The following SLC6A5 variants were observed in gnomAD, a reference collection of about 807,000 sequenced individuals.
The protein encoded by SLC6A5 is sodium- and chloride-dependent glycine transporter 2.
Under a neutral mutation model 90.5 loss-of-function variants are expected in SLC6A5, and 58 were observed. The ratio of observed to expected loss-of-function variants is 0.64; its 90% CI spans 0.52 to 0.80. The LOEUF is 0.80. Among genes scored for constraint, SLC6A5 ranks in the 30% least tolerant of loss-of-function variants. The probability of loss-of-function intolerance (pLI) is 0.00; values close to 1 mark genes in which losing one functional copy is unlikely to be tolerated. For synonymous variants in SLC6A5, 427 were observed against 401.4 expected (o/e 1.06, Z -0.76); for missense variants, 1,015 against 1,017.6 (o/e 1.00, Z 0.03).
At chr11:20,638,099 T>G (rs926776436) in intron 12 of SLC6A5, among the ~76,000 whole-genome samples, 1 of 152,226 alleles carries the variant, frequency 6.6e-6, no homozygotes, top group Non-Finnish European at 1.5e-5. Flanking sequence ...CGAATGCAGA[T>G]ACATAGGTGG....
chr11:20,607,066 T>C lies in SLC6A5; in HGVS notation c.739T>C (p.Leu247=), dbSNP rs892848321. 1.1e-5 allele frequency: 18 copies of C among 1,614,112 alleles called. No individual in the cohort carries two copies. Among genetic ancestry groups the C allele is most frequent in the Non-Finnish European group, 1.4e-5 (17 of 1,180,026 alleles). ...TCTGGCTGGATTACCCATCTTCTTC[T>C]TGGAGGTGTCGCTGGGCCAGTTTGC... ...LALAGLPIFF[L]EVSLGQFASQ... Residue 247 remains leucine, a synonymous_variant, in exon 4 of 16, where the codon TTG becomes CTG. Transcript: ENST00000525748.
In SLC6A5 at chr11:20,655,158, C is replaced by T; in HGVS notation, c.*290C>T. 2.3e-6 allele frequency: 1 copy of T among 426,500 alleles called. No individual in the cohort carries two copies. Among genetic ancestry groups the T allele is most frequent in the Non-Finnish European group, 4.4e-6 (1 of 226,282 alleles). 26.4% of individuals were successfully genotyped at this position (426,500 alleles called of 1,614,324 possible). ...TGCAGAGGAGGATCAGTTAGGTGAG[C>T]ACTGGTAGGTATGCGTGGTTTTGTC... On this transcript the variant is annotated 3_prime_UTR_variant, in exon 16 of 16. Transcript: ENST00000525748.
At chr11:20,627,627 A>T (rs1022282458) in intron 8 of SLC6A5, among the ~76,000 whole-genome samples, 2 of 152,282 alleles carry the variant, frequency 1.3e-5, no homozygotes, top group East Asian at 1.9e-4. Flanking sequence ...TTGATTTTGC[A>T]TCCGTTGTTA....
intron 2 of SLC6A5, among the ~76,000 whole-genome samples, chr11:20,603,243 G>T (rs1852512632): frequency 6.9e-6 from 1 of 145,550 alleles, no homozygotes. Context: ...ACTGTGTGTT[G>T]GCCTGAGTGC....
At chr11:20,608,944 C>CTG (rs1410710502) in intron 5 of SLC6A5, among the ~76,000 whole-genome samples, 5 of 118,724 alleles carry the variant, frequency 4.2e-5, no homozygotes, top group South Asian at 2.9e-4. Context: ...CTCTCTCTCT[C>CTG]TCTCTCTCTC....
intron 6 of SLC6A5, among the ~76,000 whole-genome samples, chr11:20,616,639 G>T (rs1340012968): frequency 1.3e-5 from 2 of 152,192 alleles, no homozygotes; most frequent in African/African-American, 2.4e-5. Context: ...GGTCCTCAGG[G>T]TTTTGCCGTG....
intron 9 of SLC6A5, among the ~76,000 whole-genome samples, chr11:20,629,886 T>G (rs1853075287): frequency 6.6e-6 from 1 of 151,938 alleles, no homozygotes; most frequent in Admixed American, 6.6e-5. Context: ...CTAATTTTTT[T>G]TTTTGTGTGT....
chr11:20,614,216 G>A (rs373894340), intron 5 of SLC6A5, among the ~76,000 whole-genome samples: 2 of 152,216 alleles, frequency 1.3e-5, no homozygotes, highest in African/African-American at 4.8e-5. Context: ...AATTCAATTC[G>A]TTTCAGCAAT....
intron 5 of SLC6A5, among the ~76,000 whole-genome samples, chr11:20,609,448 A>G (rs536541207): frequency 5.9e-5 from 9 of 152,130 alleles, no homozygotes; most frequent in Admixed American, 5.9e-4. Context: ...TTCTGGGGTG[A>G]CTTAGAAAAG....
rs3758808 is a variant in SLC6A5, at chr11:20,646,165, G to C, written c.1970-669G>C. On this transcript the variant is annotated intron_variant, in intron 13 of 15. Transcript: ENST00000525748. ...TTTTAAAAACCTTCCTAAACCAAGAGGGTGCAGGGATGGCGGTTGTCTAGG... is the reference window on the plus strand; with the variant it reads ...TTTTAAAAACCTTCCTAAACCAAGACGGTGCAGGGATGGCGGTTGTCTAGG... 2.6e-5 allele frequency among the ~76,000 whole-genome samples: 4 copies of C among 152,092 alleles called. No homozygotes were observed. The South Asian group carries it at 8.3e-4, about 32-fold the overall frequency.
chr11:20,609,718 TTGTGACCTTCG>T (rs1027849533), intron 5 of SLC6A5, among the ~76,000 whole-genome samples: 1 of 152,234 alleles, frequency 6.6e-6, no homozygotes, highest in African/African-American at 2.4e-5. Context: ...TGGCTAGCTA[TTGTGACCTTCG>T]TGTGCAGCTT....
chr11:20,648,306 C>T (rs1027687518), intron 14 of SLC6A5, among the ~76,000 whole-genome samples: 10 of 152,182 alleles, frequency 6.6e-5, no homozygotes, highest in African/African-American at 2.4e-5. Context: ...CTTTCCTTCC[C>T]TCCCTCTCTT....
intron 9 of SLC6A5, among the ~76,000 whole-genome samples, chr11:20,628,327 C>T (rs1329643940): frequency 2.0e-5 from 3 of 152,172 alleles, no homozygotes; most frequent in African/African-American, 7.2e-5. Flanking sequence ...AGGATGGAAG[C>T]AAGTTTGTCT....
intron 10 of SLC6A5, among the ~76,000 whole-genome samples, chr11:20,634,227 C>G (rs1233196557): frequency 6.6e-6 from 1 of 152,150 alleles, no homozygotes; most frequent in Non-Finnish European, 1.5e-5. Context: ...GGCTCTACTG[C>G]CTCCCAGTGG....
chr11:20,603,998 G>T (rs936337045), intron 2 of SLC6A5, among the ~76,000 whole-genome samples: 2 of 152,010 alleles, frequency 1.3e-5, no homozygotes, highest in Non-Finnish European at 2.9e-5. Flanking sequence ...GGTGCGCCCT[G>T]ACTGTATGAT....
Position 20,607,042 on chromosome 11 carries a change from C to G in SLC6A5, c.715C>G (p.Leu239Val). 6.2e-7 allele frequency: 1 copy of G among 1,614,150 alleles called. No homozygotes were observed. Among genetic ancestry groups the G allele is most frequent in the Non-Finnish European group, 8.5e-7 (1 of 1,180,038 alleles). ...FLIPYLMMLA[L>V]AGLPIFFLEV... ...CATCCCTTACCTGATGATGCTGGCT[C>G]TGGCTGGATTACCCATCTTCTTCTT... Residue 239 changes from leucine to valine, a missense_variant, in exon 4 of 16, where the codon CTG (leucine) becomes GTG (valine). By Grantham distance (32) the Leu-to-Val change is conservative (BLOSUM62 1). Transcript: ENST00000525748.
chr11:20,646,924 C>A lies in SLC6A5; in HGVS notation c.2060C>A (p.Thr687Asn). ...GTCTGCTGGGCATTTGTAACCCCAA[C>A]CATTTTAACCGTAAGGATTTTGCAT... ...WKVCWAFVTP[T>N]ILTFILCFSF... Residue 687 changes from threonine (T) to asparagine (N), a missense_variant, in exon 14 of 16, where the codon ACC (threonine) becomes AAC (asparagine). Thr to Asn is a moderately conservative substitution (Grantham distance 65). Coordinates refer to ENST00000525748, the MANE Select transcript of SLC6A5 (RefSeq NM_004211.5). 1 of 1,608,210 alleles carries A rather than the reference C, an allele frequency of 6.2e-7. No individual in the cohort carries two copies. Among genetic ancestry groups the A allele is most frequent in the Non-Finnish European group, 8.5e-7 (1 of 1,174,738 alleles).
In SLC6A5 at chr11:20,600,399, G is replaced by GAAGAAGAA. The variant is rs1555037544; in HGVS notation, c.3+725_4-722dup. ...AGAAGAAGAAGAAGAAGAAGAAGAA[G>GAAGAAGAA]AAGAAGAAGAAGACCTAAACAAAAG... On this transcript the variant is annotated intron_variant, in intron 1 of 15. Coordinates refer to ENST00000525748, the MANE Select transcript of SLC6A5 (RefSeq NM_004211.5). Among the ~76,000 whole-genome samples the GAAGAAGAA allele has an allele frequency of 4.1e-3, 569 of 139,148 alleles. 13 individuals carry two copies. The highest frequency in any genetic ancestry group is 0.014 in the African/African-American group (539 of 37,738). 91.3% of individuals were successfully genotyped at this position (139,148 alleles called of 152,430 possible). A position where few individuals can be genotyped will look rare whatever the true frequency, so the allele number is the denominator to read the frequency against.
Position 20,607,517 on chromosome 11 carries a change from G to A in SLC6A5, c.850G>A (p.Ala284Thr), listed in dbSNP as rs887898848. The A allele has an allele frequency of 1.9e-6, 3 of 1,614,130 alleles. No individual in the cohort carries two copies. Among genetic ancestry groups the A allele is most frequent in the Middle Eastern group, 1.6e-4 (1 of 6,062 alleles). The change falls in exon 5 of 16, where the codon GCC (alanine) becomes ACC (threonine). Residue 284 changes from alanine to threonine, a missense_variant. By Grantham distance (58) the Ala-to-Thr change is moderately conservative. This residue lies in a region of SLC6A5 where 567 missense variants were observed against 507.3 expected (regional missense o/e 1.12). Coordinates refer to ENST00000525748, the MANE Select transcript of SLC6A5 (RefSeq NM_004211.5). ...IAMLIISVLI[A>T]IYYNVIICYT... ...GATGCTGATCATCTCTGTCCTAATA[G>A]CCATATACTACAATGTGATTATTTG...
Sources: gnomAD v4.1 joint callset for allele counts (sites outside exome capture counted in the v4.1 genomes callset) on GRCh38, gnomAD v4.1.1 for gene constraint, gnomAD v4.1.1 regional missense constraint, MANE v1.5 for transcripts, NCBI Gene and HGNC (gene_info 2026-07-23, HGNC 2026-07-21) for gene names.